The following XYLT1 variants were observed in gnomAD, a reference collection of about 807,000 sequenced individuals.
The protein encoded by XYLT1 is xylosyltransferase 1, also known as beta-D-xylosyltransferase 1.
A neutral mutation model predicts 91.3 loss-of-function variants in XYLT1; 36 were observed. The ratio of observed to expected loss-of-function variants is 0.39; its 90% CI spans 0.30 to 0.52. The LOEUF is 0.52. XYLT1 is among the 20% of genes least tolerant of loss of function. The pLI is 0.68. For missense variants in XYLT1, 1,242 were observed against 1,284.5 expected (o/e 0.97, Z 0.51); for synonymous variants, 588 against 532.0 (o/e 1.11, Z -1.45).
At chr16:17,240,927 AC>A (rs1216328265) in intron 3 of XYLT1, among the ~76,000 whole-genome samples, 1 of 152,068 alleles carries the variant, frequency 6.6e-6, no homozygotes, top group African/African-American at 2.4e-5. Context: ...CAACTCTAGA[AC>A]CCCAATGATT....
In XYLT1 at chr16:17,358,067, GA is replaced by G; in HGVS notation, c.364-18del. The G allele has an allele frequency of 6.2e-7, 1 of 1,612,068 alleles. No homozygotes were observed. The highest frequency in any genetic ancestry group is 8.5e-7 in the Non-Finnish European group (1 of 1,178,982). ...GTGTGGATCCTGTAGGATGAAAGGA[GA>G]AAATGCACGTGAGGAGTGAAAAAAA... On this transcript the variant is annotated intron_variant, in intron 1 of 11. Transcript: ENST00000261381.
At chr16:17,135,860 G>C (rs567503360) in intron 8 of XYLT1, among the ~76,000 whole-genome samples, 6 of 152,334 alleles carry the variant, frequency 3.9e-5, no homozygotes, top group Non-Finnish European at 8.8e-5. Flanking sequence ...GCCACAGACA[G>C]ACAAGAGACT....
chr16:17,285,771 G>A (rs529725404), intron 2 of XYLT1, among the ~76,000 whole-genome samples: 1 of 152,178 alleles, frequency 6.6e-6, no homozygotes, highest in Non-Finnish European at 1.5e-5. Flanking sequence ...CACCTGAATT[G>A]CTTGTTAACA....
Position 17,127,729 on chromosome 16 carries a change from C to T in XYLT1, c.2160G>A (p.Met720Ile). The change falls in exon 10 of 12, where the codon ATG becomes ATA. Residue 720 changes from methionine (M) to isoleucine (I), a missense_variant. Around this residue, in one of 3 missense-constraint regions of XYLT1, gnomAD observed 511 missense variants for 497.0 expected, o/e 1.03. Coordinates refer to ENST00000261381, the MANE Select transcript of XYLT1 (RefSeq NM_022166.4). ...SKLETLETWV[M>I]PKKVFKIASP... ...TTGCGATCTTGAAGACTTTTTTCGG[C>T]ATCACCCAGGTCTCCAGAGTCTCTA... is the stretch of plus-strand genomic sequence containing the variant. 1 of 1,614,122 alleles carries T rather than the reference C, an allele frequency of 6.2e-7. No homozygotes were observed. The highest frequency in any genetic ancestry group is 8.5e-7 in the Non-Finnish European group (1 of 1,180,026).
At chr16:17,152,481 T>C (rs2031305418) in intron 6 of XYLT1, among the ~76,000 whole-genome samples, 2 of 152,260 alleles carry the variant, frequency 1.3e-5, no homozygotes, top group South Asian at 4.1e-4. Context: ...GCATCAGTCA[T>C]GGAGCTACAA....
intron 8 of XYLT1, 163 bp downstream of exon 8, chr16:17,138,192 A>G (rs889082529): frequency 2.2e-5 from 17 of 778,040 alleles, no homozygotes; most frequent in Admixed American, 3.1e-5. Context: ...TAAGTGCTCA[A>G]TAAACACTGG....
At chr16:17,452,263 T>C (rs917920586) in intron 1 of XYLT1, among the ~76,000 whole-genome samples, 2 of 151,964 alleles carry the variant, frequency 1.3e-5, no homozygotes, top group East Asian at 1.9e-4. Context: ...TTTTTCTTAA[T>C]GTCCCTTTCC....
chr16:17,213,494 C>CT (rs1183390363), intron 3 of XYLT1, among the ~76,000 whole-genome samples: 7 of 152,190 alleles, frequency 4.6e-5, no homozygotes, highest in African/African-American at 1.7e-4. Context: ...AATAAAGACT[C>CT]TGAGTAGTTA....
chr16:17,289,339 T>C (rs941188668), intron 2 of XYLT1, among the ~76,000 whole-genome samples: 13 of 152,114 alleles, frequency 8.5e-5, no homozygotes, highest in African/African-American at 2.7e-4. Flanking sequence ...GCCAGCTTTT[T>C]TCCCCTTTCT....
chr16:17,118,436 A>G (rs2029930809), intron 10 of XYLT1, among the ~76,000 whole-genome samples: 2 of 152,182 alleles, frequency 1.3e-5, no homozygotes, highest in Admixed American at 1.3e-4. Flanking sequence ...CTGAACAAGA[A>G]TAGAGATCAT....
chr16:17,184,592 C>A (rs1247376004), intron 5 of XYLT1, among the ~76,000 whole-genome samples: 3 of 152,080 alleles, frequency 2.0e-5, no homozygotes, highest in Non-Finnish European at 1.5e-5. Flanking sequence ...TCCTCAGTCC[C>A]ACAAGGCACG....
At chr16:17,356,660 C>T (rs2035298950) in intron 2 of XYLT1, among the ~76,000 whole-genome samples, 1 of 152,094 alleles carries the variant, frequency 6.6e-6, no homozygotes, top group African/African-American at 2.4e-5. Flanking sequence ...CCCAGAAACC[C>T]TTGAAATCGC....
intron 2 of XYLT1, chr16:17,338,395 C>G: frequency 2.2e-6 from 1 of 456,524 alleles, no homozygotes; most frequent in South Asian, 1.5e-5. Flanking sequence ...AAGGCCTGCT[C>G]CTCTCTTTTA....
intron 5 of XYLT1, among the ~76,000 whole-genome samples, chr16:17,188,524 ACTC>A (rs1267300492): frequency 6.6e-6 from 1 of 151,350 alleles, no homozygotes; most frequent in Non-Finnish European, 1.5e-5. Flanking sequence ...CTTCTCCTAA[ACTC>A]CTACCCAGCA....
intron 1 of XYLT1, among the ~76,000 whole-genome samples, chr16:17,461,742 ACT>A (rs1046952465): frequency 6.6e-6 from 1 of 152,020 alleles, no homozygotes; most frequent in African/African-American, 2.4e-5. Context: ...GGACTTACTG[ACT>A]CTGAACTGGG....
intron 5 of XYLT1, among the ~76,000 whole-genome samples, chr16:17,190,468 C>G (rs1237440036): frequency 7.4e-6 from 1 of 135,418 alleles, no homozygotes; most frequent in Non-Finnish European, 1.6e-5. Context: ...CAACAGTCCC[C>G]GGTGTGTGAT....
At chr16:17,155,768 C>T (rs1241791947) in intron 6 of XYLT1, among the ~76,000 whole-genome samples, 1 of 152,134 alleles carries the variant, frequency 6.6e-6, no homozygotes, top group Non-Finnish European at 1.5e-5. Flanking sequence ...GTCAAGAGGC[C>T]TTTGGGTTTT....
chr16:17,191,843 T>C (rs990305449), intron 5 of XYLT1, among the ~76,000 whole-genome samples: 33 of 152,340 alleles, frequency 2.2e-4, no homozygotes, highest in South Asian at 4.1e-4. Flanking sequence ...CCCTGATAGT[T>C]TGGACTTTGT....
rs1218192013 is a variant in XYLT1, at chr16:17,141,236, A to G, written c.1504T>C (p.Phe502Leu). Residue 502 changes from phenylalanine to leucine, a missense_variant, in exon 7 of 12, where the codon TTT (phenylalanine) becomes CTT (leucine). This residue lies in a region of XYLT1 where 294 missense variants were observed against 376.0 expected (regional missense o/e 0.78). Transcript: ENST00000261381. Reference protein sequence around the residue: ...GSDWFLLNRRFVEYVTFSTDD... With the variant: ...GSDWFLLNRRLVEYVTFSTDD... ...GTGGAGAAGGTCACATATTCTACAA[A>G]CCTCCGGTTCAGCAGGAACCAGTCC... The G allele has an allele frequency of 8.1e-6, 13 of 1,613,990 alleles. No homozygotes were observed. The highest frequency in any genetic ancestry group is 1.1e-5 in the Non-Finnish European group (13 of 1,180,038).
Sources: allele counts gnomAD v4.1 joint callset (sites outside exome capture counted in the v4.1 genomes callset), GRCh38; gene constraint gnomAD v4.1.1; regional missense constraint gnomAD v4.1.1; transcripts MANE v1.5; gene names NCBI Gene and HGNC (gene_info 2026-07-23, HGNC 2026-07-21).